FGF5: variants seen among roughly 807,000 people sequenced by gnomAD.
The protein encoded by FGF5 is fibroblast growth factor 5, also known as heparin-binding growth factor 5.
In FGF5, 23 loss-of-function variants were observed where a neutral mutation model predicts 21.8. The ratio of observed to expected loss-of-function variants is 1.05; its 90% CI spans 0.76 to 1.49. The LOEUF (loss-of-function observed/expected upper bound fraction) is 1.49. Ranked by LOEUF, FGF5 falls within the 40% of genes most tolerant of loss-of-function variation. FGF5 has a pLI of 0.00. For missense variants in FGF5, 352 were observed against 332.9 expected (o/e 1.06, Z -0.45); for synonymous variants, 158 against 124.0 (o/e 1.27, Z -1.82).
chr4:80,266,643 C>T (rs1720094626), upstream of FGF5: 1 of 591,364 alleles, frequency 1.7e-6, no homozygotes, highest in South Asian at 2.2e-5. Flanking sequence ...TATAAATATC[C>T]CGGTGCCAGC....
rs1449919679 is a variant in FGF5, at chr4:80,287,666, T to A, written c.*994T>A. The stretch of plus-strand genomic sequence containing the variant: ...AAATTCAAGTGCTTAAAAATACTTC[T>A]ATGACTCTCTGCTATCCCACTGTAT... On this transcript the variant is annotated 3_prime_UTR_variant, in exon 3 of 3. Coordinates refer to ENST00000312465, the MANE Select transcript of FGF5 (RefSeq NM_004464.4). 12 of 152,326 alleles carry A rather than the reference T, an allele frequency of 7.9e-5. No homozygotes were observed. The highest frequency in any genetic ancestry group is 1.2e-4 in the Non-Finnish European group (8 of 68,028). 9.4% of individuals were successfully genotyped at this position (152,326 alleles called of 1,614,324 possible).
chr4:80,286,555 G>C lies in FGF5; in HGVS notation c.690G>C (p.Thr230=), dbSNP rs770626546. ...CGGAGCAGCCAGAACTTTCTTTCAC[G>C]GTTACTGTTCCTGAAAAGAAAAAGC... ...KQSEQPELSF[T]VTVPEKKKPP... The change falls in exon 3 of 3, where the codon ACG becomes ACC. Residue 230 remains threonine, a synonymous_variant. Coordinates refer to ENST00000312465, the MANE Select transcript of FGF5 (RefSeq NM_004464.4). 1.2e-6 allele frequency: 2 copies of C among 1,613,976 alleles called. No individual in the cohort carries two copies.
chr4:80,285,736 T>A (rs1720692818), intron 2 of FGF5, among the ~76,000 whole-genome samples: 1 of 152,148 alleles, frequency 6.6e-6, no homozygotes, highest in Non-Finnish European at 1.5e-5. Context: ...TTTCCTGTAA[T>A]GCCTGAGTAA....
At chr4:80,279,662 C>T (rs1026586090) in intron 2 of FGF5, among the ~76,000 whole-genome samples, 26 of 152,250 alleles carry the variant, frequency 1.7e-4, no homozygotes, top group African/African-American at 6.3e-4. Flanking sequence ...GCTCTGTTGT[C>T]CATCTTGATT....
intron 2 of FGF5, among the ~76,000 whole-genome samples, chr4:80,279,156 C>G: frequency 6.6e-6 from 1 of 152,290 alleles, no homozygotes; most frequent in East Asian, 1.9e-4. Flanking sequence ...GGTAAAGACA[C>G]AGTTAGATTG....
chr4:80,272,518 G>T (rs1292525988), intron 1 of FGF5, among the ~76,000 whole-genome samples: 1 of 152,048 alleles, frequency 6.6e-6, no homozygotes, highest in Admixed American at 6.6e-5. Context: ...TTTAAGCAAA[G>T]CAGTAGTATT....
chr4:80,275,546 T>G (rs1191374736), intron 2 of FGF5, among the ~76,000 whole-genome samples: 2 of 151,994 alleles, frequency 1.3e-5, no homozygotes, highest in Non-Finnish European at 2.9e-5. Context: ...AATTTTTATC[T>G]TGTATTTTTG....
intron 2 of FGF5, among the ~76,000 whole-genome samples, chr4:80,280,465 C>G (rs914388420): frequency 6.6e-6 from 1 of 152,106 alleles, no homozygotes; most frequent in African/African-American, 2.4e-5. Flanking sequence ...AACTTCAGAG[C>G]AAGTAAGATT....
chr4:80,286,212 G>A (rs2109930518), intron 2 of FGF5, 113 bp from the exon 3 acceptor site: 1 of 685,558 alleles, frequency 1.5e-6, no homozygotes, highest in South Asian at 2.6e-5. Context: ...GAATTGAGTA[G>A]GAGGAACAGA....
In FGF5 at chr4:80,286,537, G is replaced by A. The variant is rs747612234; in HGVS notation, c.672G>A (p.Gln224=). Residue 224 remains glutamine (Q), a synonymous_variant, in exon 3 of 3, where the codon CAG becomes CAA. Transcript: ENST00000312465. ...TGCCAAGATTCAAGCAGTCGGAGCA[G>A]CCAGAACTTTCTTTCACGGTTACTG... ...HFLPRFKQSE[Q]PELSFTVTVP... is the part of the protein sequence containing the mutation. 1 of 1,614,048 alleles carries A rather than the reference G, an allele frequency of 6.2e-7. No homozygotes were observed. The highest frequency in any genetic ancestry group is 8.5e-7 in the Non-Finnish European group (1 of 1,180,002).
chr4:80,271,105 G>A (rs763698619), intron 1 of FGF5, among the ~76,000 whole-genome samples: 2 of 152,132 alleles, frequency 1.3e-5, no homozygotes, highest in Non-Finnish European at 2.9e-5. Flanking sequence ...TTTCAGATGC[G>A]TTGTTGAAAG....
intron 1 of FGF5, among the ~76,000 whole-genome samples, chr4:80,271,099 A>G (rs1211440919): frequency 6.6e-6 from 1 of 152,210 alleles, no homozygotes; most frequent in Non-Finnish European, 1.5e-5. Flanking sequence ...GGGGATTTTC[A>G]GATGCGTTGT....
chr4:80,284,321 C>T (rs910511618), intron 2 of FGF5, among the ~76,000 whole-genome samples: 6 of 152,128 alleles, frequency 3.9e-5, no homozygotes, highest in African/African-American at 1.4e-4. Flanking sequence ...GTAATCCCAG[C>T]TACTCAGGAG....
At chr4:80,283,349 G>A (rs979325891) in intron 2 of FGF5, among the ~76,000 whole-genome samples, 3 of 152,068 alleles carry the variant, frequency 2.0e-5, no homozygotes, top group Admixed American at 6.6e-5. Flanking sequence ...CTCCATAAAG[G>A]GCTCCTCTTA....
At chr4:80,273,185 G>C (rs1194757904) in intron 1 of FGF5, among the ~76,000 whole-genome samples, 1 of 150,530 alleles carries the variant, frequency 6.6e-6, no homozygotes, top group East Asian at 1.9e-4. Context: ...TTTTTTTTCA[G>C]TTTCCTTCTA....
chr4:80,278,976 C>T (rs967442192), intron 2 of FGF5, among the ~76,000 whole-genome samples: 3 of 152,158 alleles, frequency 2.0e-5, no homozygotes, highest in Non-Finnish European at 4.4e-5. Flanking sequence ...TTTCTCAACA[C>T]ATTCCCATGC....
chr4:80,275,608 T>C (rs1429814735), intron 2 of FGF5, among the ~76,000 whole-genome samples: 1 of 152,030 alleles, frequency 6.6e-6, no homozygotes, highest in Non-Finnish European at 1.5e-5. Context: ...TTTTGCATTC[T>C]CAAAAATTTA....
At chr4:80,273,149 A>G (rs79481327) in intron 1 of FGF5, among the ~76,000 whole-genome samples, 2 of 152,062 alleles carry the variant, frequency 1.3e-5, no homozygotes, top group East Asian at 1.9e-4. Flanking sequence ...ATTTTGAAGG[A>G]AAGGATTTAT....
chr4:80,267,103 C>A lies in FGF5; in HGVS notation c.279C>A (p.Cys93Ter), dbSNP rs769886331. 4 of 1,614,214 alleles carry A rather than the reference C, an allele frequency of 2.5e-6. No individual in the cohort carries two copies. Among genetic ancestry groups the A allele is most frequent in the Non-Finnish European group, 3.4e-6 (4 of 1,180,034 alleles). ...PSGRRTGSLY[C>*]RVGIGFHLQI... ...GGCGCCGGACCGGCAGCCTCTACTG[C>A]AGAGTGGGCATCGGTTTCCATCTGC... is the stretch of plus-strand genomic sequence containing the variant. Residue 93 changes from cysteine to a stop codon, truncating the protein, a stop_gained, in exon 1 of 3, where the codon TGC (cysteine) becomes TGA (stop). Transcript: ENST00000312465. LOFTEE classifies it high-confidence loss of function.
Sources: allele counts gnomAD v4.1 joint callset (sites outside exome capture counted in the v4.1 genomes callset), GRCh38; gene constraint gnomAD v4.1.1; transcripts MANE v1.5; gene names NCBI Gene and HGNC (gene_info 2026-07-23, HGNC 2026-07-21).